The following ERC1 variants were observed in gnomAD, a reference collection of about 807,000 sequenced individuals.
The protein encoded by ERC1 is ELKS/RAB6-interacting/CAST family member 1.
ERC1 carries 56 observed loss-of-function variants against 132.0 expected under a neutral mutation model. The observed-to-expected ratio is 0.42, with a 90% CI of 0.34 to 0.53. ERC1 has a LOEUF of 0.53. Ranked by LOEUF, ERC1 falls within the 20% of genes least tolerant of loss-of-function variation. The pLI is 0.03. For synonymous variants in ERC1, 478 were observed against 476.1 expected (o/e 1.00, Z -0.05); for missense variants, 1,202 against 1,349.9 (o/e 0.89, Z 1.72).
chr12:1,349,660 TAAAAAAAA>T (rs57752848), intron 15 of ERC1, among the ~76,000 whole-genome samples: 2 of 107,634 alleles, frequency 1.9e-5, no homozygotes, highest in African/African-American at 6.6e-5. Context: ...TGAGACCGTC[TAAAAAAAA>T]AAAAAAAAAA....
chr12:990,885 T>A (rs947591600), upstream of ERC1, among the ~76,000 whole-genome samples: 2 of 151,802 alleles, frequency 1.3e-5, no homozygotes, highest in African/African-American at 4.8e-5. Flanking sequence ...AGCGCCACCC[T>A]GCGCTCGCGG....
chr12:1,057,899 T>A (rs543681699), intron 2 of ERC1, among the ~76,000 whole-genome samples: 1 of 151,734 alleles, frequency 6.6e-6, no homozygotes, highest in Admixed American at 6.6e-5. Flanking sequence ...CGGCCTAAAA[T>A]TTTTTTTTAG....
In ERC1 at chr12:1,141,748, G is replaced by A. The variant is rs752151057; in HGVS notation, c.1698G>A (p.Leu566=). 11 of 1,610,846 alleles carry A rather than the reference G, an allele frequency of 6.8e-6. No individual in the cohort carries two copies. The South Asian group carries it at 1.0e-4, about 15-fold the overall frequency. ...AGEIHDLKDM[L]DVKERKVNVL... is the part of the protein sequence containing the mutation. ...AGATACATGACCTCAAGGACATGTT[G>A]GATGTGAAGGAGCGGAAGGTTAATG... Residue 566 remains leucine, a synonymous_variant, in exon 8 of 19, where the codon TTG becomes TTA. Transcript: ENST00000360905.
chr12:1,200,540 C>T (rs562556092), intron 12 of ERC1, among the ~76,000 whole-genome samples: 3 of 150,888 alleles, frequency 2.0e-5, no homozygotes, highest in Admixed American at 6.6e-5. Flanking sequence ...ATTCTGCTAT[C>T]TAATCATCTC....
chr12:1,096,427 G>A (rs1346148104), intron 3 of ERC1, among the ~76,000 whole-genome samples: 3 of 152,168 alleles, frequency 2.0e-5, no homozygotes, highest in African/African-American at 7.2e-5. Flanking sequence ...GTTAATAAAT[G>A]AAGATTGTTT....
At chr12:1,398,669 G>A (rs748430997) in intron 16 of ERC1, among the ~76,000 whole-genome samples, 6 of 152,130 alleles carry the variant, frequency 3.9e-5, no homozygotes, top group Non-Finnish European at 8.8e-5. Flanking sequence ...TAACAAAGTC[G>A]GTAGGTAGGT....
chr12:1,450,931 C>T (rs1176549053), intron 18 of ERC1, among the ~76,000 whole-genome samples: 1 of 152,166 alleles, frequency 6.6e-6, no homozygotes, highest in Non-Finnish European at 1.5e-5. Context: ...TCTTCATGTG[C>T]TTATTGGCCA....
chr12:1,092,080 C>G (rs1380016900), intron 3 of ERC1, among the ~76,000 whole-genome samples: 1 of 150,144 alleles, frequency 6.7e-6, no homozygotes, highest in African/African-American at 2.4e-5. Context: ...CTCACTGCAA[C>G]CTGCGCCCCC....
intron 2 of ERC1, among the ~76,000 whole-genome samples, chr12:1,062,281 C>A (rs1938163381): frequency 6.6e-6 from 1 of 151,988 alleles, no homozygotes; most frequent in East Asian, 1.9e-4. Context: ...TGCGCCCGGC[C>A]TTTTCTTTTC....
chr12:1,363,623 C>A (rs1037423411), intron 15 of ERC1, among the ~76,000 whole-genome samples: 33 of 147,112 alleles, frequency 2.2e-4, no homozygotes, highest in African/African-American at 8.1e-4. Flanking sequence ...GGTGCCATCA[C>A]GGCTCACTGC....
intron 8 of ERC1, among the ~76,000 whole-genome samples, chr12:1,172,244 A>G (rs1953144745): frequency 6.6e-6 from 1 of 152,108 alleles, no homozygotes; most frequent in Non-Finnish European, 1.5e-5. Context: ...CCAAGGTGGG[A>G]GGATCACTTG....
chr12:1,307,731 G>A (rs181291160), intron 15 of ERC1, among the ~76,000 whole-genome samples: 5 of 152,144 alleles, frequency 3.3e-5, no homozygotes, highest in African/African-American at 1.2e-4. Flanking sequence ...TTTTTAACTT[G>A]CTTTTTAGGT....
intron 16 of ERC1, among the ~76,000 whole-genome samples, chr12:1,373,236 G>A (rs2087458278): frequency 6.6e-6 from 1 of 152,192 alleles, no homozygotes; most frequent in Non-Finnish European, 1.5e-5. Flanking sequence ...GCTCATCAAA[G>A]CTGATAATAG....
chr12:1,376,538 C>T (rs1352787210), intron 16 of ERC1, among the ~76,000 whole-genome samples: 3 of 152,210 alleles, frequency 2.0e-5, no homozygotes, highest in Admixed American at 6.5e-5. Context: ...TTTACATCAC[C>T]GGGTCTTCCC....
intron 7 of ERC1, among the ~76,000 whole-genome samples, chr12:1,130,649 C>G (rs1445642570): frequency 9.8e-6 from 1 of 101,874 alleles, no homozygotes; most frequent in Non-Finnish European, 2.2e-5. Context: ...TTTTTTTAAA[C>G]TATGTACTGT....
At chr12:1,235,811 T>C (rs925221421) in intron 12 of ERC1, among the ~76,000 whole-genome samples, 1 of 152,194 alleles carries the variant, frequency 6.6e-6, no homozygotes, top group Non-Finnish European at 1.5e-5. Flanking sequence ...AGCAATTCAG[T>C]TCCTAGGCCT....
intron 15 of ERC1, among the ~76,000 whole-genome samples, chr12:1,293,862 A>G (rs551157174): frequency 8.9e-4 from 135 of 152,324 alleles, no homozygotes; most frequent in Middle Eastern, 3.4e-3. Context: ...CATTTTTTTT[A>G]AGTCTGTAGA....
At chr12:1,204,563 G>A (rs370863356) in intron 12 of ERC1, 13 of 1,547,400 alleles carry the variant, frequency 8.4e-6, no homozygotes, top group Admixed American at 7.0e-5. Context: ...CGTTGTTTGC[G>A]AATATTGTCT....
intron 2 of ERC1, among the ~76,000 whole-genome samples, chr12:1,067,918 A>G (rs1481911662): frequency 7.3e-6 from 1 of 137,464 alleles, no homozygotes; most frequent in Non-Finnish European, 1.5e-5. Flanking sequence ...ATTTCATTTT[A>G]GCCACTGCTT....
Sources: allele counts gnomAD v4.1 joint callset (sites outside exome capture counted in the v4.1 genomes callset), GRCh38; gene constraint gnomAD v4.1.1; transcripts MANE v1.5; gene names NCBI Gene and HGNC (gene_info 2026-07-23, HGNC 2026-07-21).